Variants in GATB observed in about 807,000 individuals in gnomAD.
The protein encoded by GATB is glutamyl-tRNA amidotransferase subunit B.
Under a neutral mutation model 62.3 loss-of-function variants are expected in GATB, and 39 were observed. That is an observed-to-expected ratio of 0.63 (90% CI 0.48 to 0.82). The LOEUF (loss-of-function observed/expected upper bound fraction) is 0.82. Ranked by LOEUF, GATB falls within the 40% of genes least tolerant of loss-of-function variation. The pLI is 0.00. For synonymous variants in GATB, 276 were observed against 258.9 expected, an observed-to-expected ratio of 1.07 and a Z score of -0.63; for missense variants, 670 against 684.0, an observed-to-expected ratio of 0.98 and a Z score of 0.23.
chr4:151,733,999 A>C (rs1287463493), intron 2 of GATB, among the ~76,000 whole-genome samples: 1 of 152,230 alleles, frequency 6.6e-6, no homozygotes, highest in Non-Finnish European at 1.5e-5. Flanking sequence ...ATAATAATGA[A>C]TGGGGAAAAG....
chr4:151,738,943 T>C (rs1739430316), intron 2 of GATB, among the ~76,000 whole-genome samples: 1 of 152,216 alleles, frequency 6.6e-6, no homozygotes, highest in Non-Finnish European at 1.5e-5. Flanking sequence ...AGTAAGACCA[T>C]CAGTTTCCTC....
intron 5 of GATB, among the ~76,000 whole-genome samples, chr4:151,709,660 A>G (rs188584033): frequency 6.6e-6 from 1 of 152,248 alleles, no homozygotes; most frequent in Admixed American, 6.5e-5. Context: ...CCCTTGCCCA[A>G]GGTGCCTCGC....
chr4:151,716,905 G>A lies in GATB; in HGVS notation c.611C>T (p.Ser204Phe), dbSNP rs778768092. 3 of 1,614,218 alleles carry A rather than the reference G, an allele frequency of 1.9e-6. No individual in the cohort carries two copies. The East Asian group carries it at 6.7e-5, about 36-fold the overall frequency. Residue 204 changes from serine to phenylalanine, a missense_variant, in exon 4 of 13, where the codon TCT becomes TTT. Transcript: ENST00000263985. ...CCTGTTCAAATCAATGAGCGTCTGAGACCTCAGGTTGTCGTGGAGGCTTTT... is the reference window on the plus strand; with the variant it reads ...CCTGTTCAAATCAATGAGCGTCTGAAACCTCAGGTTGTCGTGGAGGCTTTT... The part of the protein sequence containing the change: ...SGKSLHDNLR[S>F]QTLIDLNRAG...
At chr4:151,729,923 T>C (rs188296083) in intron 2 of GATB, among the ~76,000 whole-genome samples, 29 of 152,236 alleles carry the variant, frequency 1.9e-4, no homozygotes, top group Admixed American at 1.8e-3. Context: ...TGCGGAGGCT[T>C]GCATTGTGAA....
intron 9 of GATB, among the ~76,000 whole-genome samples, chr4:151,698,397 G>T (rs1324976547): frequency 6.6e-6 from 1 of 152,030 alleles, no homozygotes; most frequent in Non-Finnish European, 1.5e-5. Context: ...CATGGGGGTG[G>T]GCATGTGCAT....
At position 151,701,351 on chromosome 4, in the gene GATB, A is replaced by G; in HGVS notation, c.1175T>C (p.Leu392Pro). Residue 392 changes from leucine (L) to proline (P), a missense_variant, in exon 9 of 13, where the codon CTG becomes CCG. Physicochemically the swap from Leu to Pro is moderately conservative, Grantham distance 98. Transcript: ENST00000263985. ...TACCAGCAAAGTGAAGCTGTGTTCC[A>G]GCAGCATCCCATACTGTTGGACAAG... ...EKLVQQYGML[L>P]EHSFTLLNEV... The G allele has an allele frequency of 1.9e-6, 3 of 1,566,736 alleles. No homozygotes were observed. The highest frequency in any genetic ancestry group is 2.6e-6 in the Non-Finnish European group (3 of 1,155,910).
intron 10 of GATB, among the ~76,000 whole-genome samples, chr4:151,683,800 A>G (rs1234153411): frequency 1.3e-5 from 2 of 152,198 alleles, no homozygotes; most frequent in Non-Finnish European, 2.9e-5. Context: ...TCCTAAGCCA[A>G]ACTTGTCTTC....
intron 2 of GATB, among the ~76,000 whole-genome samples, chr4:151,724,724 C>T (rs1739102421): frequency 6.6e-6 from 1 of 152,016 alleles, no homozygotes; most frequent in African/African-American, 2.4e-5. Context: ...ACATCTTTCC[C>T]ACCACTACTA....
chr4:151,759,188 A>G (rs537647058), intron 1 of GATB, among the ~76,000 whole-genome samples: 20 of 152,330 alleles, frequency 1.3e-4, no homozygotes, highest in Non-Finnish European at 2.1e-4. Flanking sequence ...GGCTATAGAG[A>G]AAGGAACAAT....
At chr4:151,697,398 T>C (rs1738489974) in intron 9 of GATB, among the ~76,000 whole-genome samples, 1 of 151,914 alleles carries the variant, frequency 6.6e-6, no homozygotes, top group Non-Finnish European at 1.5e-5. Flanking sequence ...ATACCACATG[T>C]TCTCACTTAT....
chr4:151,700,547 G>C (rs1332059763), intron 9 of GATB, among the ~76,000 whole-genome samples: 1 of 152,126 alleles, frequency 6.6e-6, no homozygotes, highest in East Asian at 1.9e-4. Flanking sequence ...CATCCAAAAA[G>C]CAAAAATCCA....
chr4:151,682,495 A>G (rs1028240881), intron 10 of GATB, among the ~76,000 whole-genome samples: 1 of 152,132 alleles, frequency 6.6e-6, no homozygotes, highest in South Asian at 2.1e-4. Flanking sequence ...TGAAGAAGAA[A>G]CTGACACCGC....
chr4:151,718,052 A>C (rs1738948626), intron 3 of GATB, among the ~76,000 whole-genome samples: 1 of 152,204 alleles, frequency 6.6e-6, no homozygotes, highest in East Asian at 1.9e-4. Context: ...TAAGAACTTT[A>C]ACTGCATCAG....
chr4:151,722,070 C>CA (rs1560856675), intron 2 of GATB: 1 of 634,998 alleles, frequency 1.6e-6, no homozygotes, highest in Non-Finnish European at 2.8e-6. Flanking sequence ...GCCCAGTAAA[C>CA]AGAGAGTGTC....
intron 9 of GATB, among the ~76,000 whole-genome samples, chr4:151,691,961 G>T (rs1282730126): frequency 6.6e-6 from 1 of 152,182 alleles, no homozygotes; most frequent in African/African-American, 2.4e-5. Context: ...GCTAGTCAAA[G>T]GTGCTCAAGA....
chr4:151,708,997 T>C (rs1342550675), intron 5 of GATB, among the ~76,000 whole-genome samples: 1 of 152,228 alleles, frequency 6.6e-6, no homozygotes, highest in Non-Finnish European at 1.5e-5. Context: ...TGTTCCTCGT[T>C]TCATTTACAA....
chr4:151,691,782 C>T (rs1456533666), intron 9 of GATB: 6 of 152,214 alleles, frequency 3.9e-5, no homozygotes, highest in East Asian at 1.9e-4. Context: ...AGGCCAGGAA[C>T]GAGGTGGACT....
In GATB at chr4:151,758,167, T is replaced by C. The variant is rs746334669; in HGVS notation, c.327+605A>G. On this transcript the variant is annotated intron_variant, in intron 2 of 12. Transcript: ENST00000263985. ...GTTTCTTAATTTGCAATAACCACAA[T>C]CATTACTGGCCTTACACTGTAAAAT... 1.3e-4 allele frequency among the ~76,000 whole-genome samples: 20 copies of C among 152,216 alleles called. 1 individual carries two copies. The highest frequency in any genetic ancestry group is 2.2e-4 in the Non-Finnish European group (15 of 68,036).
Position 151,744,250 on chromosome 4 carries a change from G to C in GATB, c.327+14522C>G, listed in dbSNP as rs974312773. Reference sequence around the variant, plus strand: ...TTATATGGATGCCTCGTGTGTGTACGCACGTGTATGTACGTGTATGCAAGT... The same window carrying C: ...TTATATGGATGCCTCGTGTGTGTACCCACGTGTATGTACGTGTATGCAAGT... On this transcript the variant is annotated intron_variant, in intron 2 of 12. Transcript: ENST00000263985. Among the ~76,000 whole-genome samples, 4 of 152,284 alleles carry C rather than the reference G, an allele frequency of 2.6e-5. No individual in the cohort carries two copies. The South Asian group carries it at 8.3e-4, about 32-fold the overall frequency.
Sources: allele counts gnomAD v4.1 joint callset (sites outside exome capture counted in the v4.1 genomes callset), GRCh38; gene constraint gnomAD v4.1.1; transcripts MANE v1.5; gene names NCBI Gene and HGNC (gene_info 2026-07-23, HGNC 2026-07-21).